MSN: variants seen among roughly 807,000 people sequenced by gnomAD.
MSN encodes the protein epididymis luminal protein 70.
Under a neutral mutation model 48.0 loss-of-function variants are expected in MSN, and 2 were observed. The observed-to-expected ratio is 0.04, with a 90% CI of 0.02 to 0.13. The LOEUF is 0.13. Ranked by LOEUF, MSN falls within the 10% of genes least tolerant of loss-of-function variation. The pLI, the probability that MSN is intolerant of heterozygous loss-of-function variation, is 1.00. For missense variants in MSN, 267 were observed against 470.1 expected, an observed-to-expected ratio of 0.57 and a Z score of 3.99; for synonymous variants, 146 against 166.9, an observed-to-expected ratio of 0.87 and a Z score of 0.97.
rs767819618 is a variant in MSN, at chrX:65,642,903, G to T, written c.-22+54291G>T. On this transcript the variant is annotated intron_variant, in intron 1 of 3. Coordinates refer to the MSN transcript ENST00000609672. ...AAAAAAAACCAATGGGATCTGCTGT[G>T]AGTTAGAGCAAAGGCCAGTCAGCTT... Among the ~76,000 whole-genome samples, 154 of 111,018 alleles carry T rather than the reference G, an allele frequency of 1.4e-3. 1 individual carries two copies. The highest frequency in any genetic ancestry group is 4.6e-3 in the Middle Eastern group (1 of 217).
intron 1 of MSN, among the ~76,000 whole-genome samples, chrX:65,606,907 C>T (rs1006977404): frequency 8.9e-6 from 1 of 112,386 alleles, no homozygotes; most frequent in African/African-American, 3.2e-5. Flanking sequence ...GCTTGAGGTA[C>T]AAAACAGACA....
chrX:65,729,538 C>T lies in MSN; in HGVS notation c.293C>T (p.Thr98Ile). The T allele has an allele frequency of 8.3e-7, 1 of 1,211,982 alleles. No homozygotes were observed. Among genetic ancestry groups the T allele is most frequent in the Non-Finnish European group, 1.1e-6 (1 of 895,570 alleles). Reference protein sequence around the residue: ...DVSEELIQDITQRLFFLQVKE... With the variant: ...DVSEELIQDIIQRLFFLQVKE... Reference sequence around the variant, plus strand: ...TCCGAGGAATTGATTCAGGACATCACTCAGCGCCTGTTCTTTCTGCAAGTG... The same window carrying T: ...TCCGAGGAATTGATTCAGGACATCATTCAGCGCCTGTTCTTTCTGCAAGTG... Residue 98 changes from threonine to isoleucine, a missense_variant, in exon 4 of 13, where the codon ACT becomes ATT. Around this residue, in one of 5 missense-constraint regions of MSN, gnomAD observed 89 missense variants for 151.0 expected, o/e 0.59. Coordinates refer to ENST00000360270, the MANE Select transcript of MSN (RefSeq NM_002444.3).
At position 65,667,800 on chromosome X, in the gene MSN, T is replaced by C; in HGVS notation, c.-42T>C. ...CTGCGTGCTCAGCACTGCCCGACAG[T>C]CCTAGCTAAACTTCGCCAACTCCGC... is the stretch of plus-strand genomic sequence containing the variant. On this transcript the variant is annotated 5_prime_UTR_variant, in exon 1 of 13. Coordinates refer to ENST00000360270, the MANE Select transcript of MSN (RefSeq NM_002444.3). 1 of 1,209,823 alleles carries C rather than the reference T, an allele frequency of 8.3e-7. No individual in the cohort carries two copies. The highest frequency in any genetic ancestry group is 1.8e-5 in the South Asian group (1 of 56,714).
In MSN at chrX:65,690,498, C is replaced by T. The variant is rs1602800185; in HGVS notation, c.12+22645C>T. On this transcript the variant is annotated intron_variant, in intron 1 of 12. Transcript: ENST00000360270. ...AGCCCTTTTTAGAGAGTGAGTTCAC[C>T]GTCTGGGCGTGAGCAGACCAGTGGT... is the stretch of plus-strand genomic sequence containing the variant. Among the ~76,000 whole-genome samples, 3 of 111,677 alleles carry T rather than the reference C, an allele frequency of 2.7e-5. No homozygotes were observed. The East Asian group carries it at 8.4e-4, about 31-fold the overall frequency.
intron 1 of MSN, among the ~76,000 whole-genome samples, chrX:65,710,482 T>C (rs760925810): frequency 9.0e-6 from 1 of 111,515 alleles, no homozygotes; most frequent in African/African-American, 3.3e-5. Context: ...ATATATGAAC[T>C]TGGATGGAGG....
intron 1 of MSN, among the ~76,000 whole-genome samples, chrX:65,676,642 A>C (rs1468241964): frequency 7.2e-5 from 8 of 111,452 alleles, no homozygotes; most frequent in Non-Finnish European, 1.3e-4. Context: ...TAGGAGGGGG[A>C]ACAAGGCATA....
chrX:65,732,744 A>G (rs1427487076), intron 6 of MSN, among the ~76,000 whole-genome samples: 5 of 112,517 alleles, frequency 4.4e-5, no homozygotes, highest in Admixed American at 9.4e-5. Flanking sequence ...GATTCCCTTG[A>G]GGAACTGTTA....
Position 65,695,611 on chromosome X carries a change from G to A in MSN, c.13-21207G>A, listed in dbSNP as rs150594395. ...TCCTCTGAGGTCTGTGTGAGCTAGG[G>A]TGGGGAGTGCTCATTAAGCTAAGCT... On this transcript the variant is annotated intron_variant, in intron 1 of 12. Coordinates refer to ENST00000360270, the MANE Select transcript of MSN (RefSeq NM_002444.3). Among the ~76,000 whole-genome samples the A allele has an allele frequency of 2.9e-3, 319 of 109,954 alleles. 1 individual carries two copies. The highest frequency in any genetic ancestry group is 9.9e-3 in the African/African-American group (298 of 30,097).
At chrX:65,617,990 G>T (rs1264505490) in intron 1 of MSN, among the ~76,000 whole-genome samples, 1 of 108,681 alleles carries the variant, frequency 9.2e-6, no homozygotes, top group Non-Finnish European at 1.9e-5. Context: ...GGAGCAGGTT[G>T]TTCAGTTTCC....
intron 1 of MSN, among the ~76,000 whole-genome samples, chrX:65,669,114 A>G (rs1374270937): frequency 1.8e-5 from 2 of 111,769 alleles, no homozygotes; most frequent in African/African-American, 3.3e-5. Flanking sequence ...AAGTTTTCAA[A>G]AAGTATGTGC....
intron 1 of MSN, among the ~76,000 whole-genome samples, chrX:65,673,757 A>G (rs896351785): frequency 3.6e-5 from 4 of 111,811 alleles, no homozygotes; most frequent in African/African-American, 1.3e-4. Context: ...CCATGGAACA[A>G]CTGAGCTGGC....
At chrX:65,615,547 G>C (rs1322606567) in intron 1 of MSN, among the ~76,000 whole-genome samples, 2 of 107,095 alleles carry the variant, frequency 1.9e-5, no homozygotes, top group Non-Finnish European at 3.9e-5. Flanking sequence ...CTTTTTGATG[G>C]GGTTGTTTGT....
chrX:65,690,684 A>G (rs987318814), intron 1 of MSN, among the ~76,000 whole-genome samples: 5 of 111,554 alleles, frequency 4.5e-5, no homozygotes, highest in Admixed American at 2.8e-4. Flanking sequence ...GCCCTGTCTC[A>G]GTGTCCAAGA....
intron 1 of MSN, among the ~76,000 whole-genome samples, chrX:65,602,660 C>A (rs1360702669): frequency 9.0e-6 from 1 of 111,594 alleles, no homozygotes; most frequent in Non-Finnish European, 1.9e-5. Flanking sequence ...TGACAGTGGG[C>A]AGTGGCTTTG....
Position 65,729,722 on chromosome X carries a change from T to C in MSN, c.467+10T>C. The C allele has an allele frequency of 8.3e-7, 1 of 1,205,509 alleles. No individual in the cohort carries two copies. On this transcript the variant is annotated intron_variant, in intron 4 of 12. Coordinates refer to ENST00000360270, the MANE Select transcript of MSN (RefSeq NM_002444.3). Reference sequence around the variant, plus strand: ...AGTTGCTCCCGCAGAGGTGAGGTGGTTCCCTGCCCTCCTTTGCCTTGGCCA... The same window carrying C: ...AGTTGCTCCCGCAGAGGTGAGGTGGCTCCCTGCCCTCCTTTGCCTTGGCCA...
intron 6 of MSN, among the ~76,000 whole-genome samples, 195 bp downstream of exon 6, chrX:65,732,179 A>C (rs2071629221): frequency 9.0e-6 from 1 of 111,453 alleles, no homozygotes; most frequent in Non-Finnish European, 1.9e-5. Context: ...ACTGTCAACT[A>C]TGGTAGCCAC....
At chrX:65,618,839 C>T (rs1267760486) in intron 1 of MSN, among the ~76,000 whole-genome samples, 1 of 111,605 alleles carries the variant, frequency 9.0e-6, no homozygotes, top group Admixed American at 9.5e-5. Context: ...TTTGCAGTGG[C>T]TGGTACCGGT....
In MSN at chrX:65,611,415, C is replaced by T. The variant is rs776771424; in HGVS notation, c.-22+22803C>T. On this transcript the variant is annotated intron_variant, in intron 1 of 3. Coordinates refer to the MSN transcript ENST00000609672. ...CCTCAGGTGATCCACCCACCTCGGCCTCCCAAAGTGCGGGGATTACAGGTG... is the reference window on the plus strand; with the variant it reads ...CCTCAGGTGATCCACCCACCTCGGCTTCCCAAAGTGCGGGGATTACAGGTG... Among the ~76,000 whole-genome samples the T allele has an allele frequency of 5.4e-5, 6 of 111,396 alleles. No homozygotes were observed. In the South Asian group the frequency reaches 1.9e-3, roughly 35 times the overall value.
intron 1 of MSN, among the ~76,000 whole-genome samples, chrX:65,650,313 C>G (rs2070732931): frequency 8.9e-6 from 1 of 111,785 alleles, no homozygotes; most frequent in Admixed American, 9.5e-5. Context: ...GTCTCGAACA[C>G]TTGGCTTCAA....
Sources: allele counts gnomAD v4.1 joint callset (sites outside exome capture counted in the v4.1 genomes callset), GRCh38; gene constraint gnomAD v4.1.1; regional missense constraint gnomAD v4.1.1; transcripts MANE v1.5; gene names NCBI Gene and HGNC (gene_info 2026-07-23, HGNC 2026-07-21).